RAB20: variants seen among roughly 807,000 people sequenced by gnomAD.
RAB20 encodes RAB20, member RAS oncogene family.
RAB20 carries 2 observed loss-of-function variants against 3.7 expected under a neutral mutation model. That is an observed-to-expected ratio of 0.54 (90% CI 0.22 to 1.69). The LOEUF is 1.69. Among genes scored for constraint, RAB20 ranks in the 40% most tolerant of loss-of-function variants. RAB20 has a pLI of 0.19. For missense variants in RAB20, 276 were observed against 311.9 expected (o/e 0.88, Z 0.87); for synonymous variants, 126 against 130.8 (o/e 0.96, Z 0.25).
chr13:110,528,850 T>C (rs1884478038), intron 1 of RAB20, among the ~76,000 whole-genome samples: 2 of 152,330 alleles, frequency 1.3e-5, no homozygotes, highest in Non-Finnish European at 2.9e-5. Flanking sequence ...AAAGTAAGAA[T>C]TGTTGCTTGA....
intron 1 of RAB20, among the ~76,000 whole-genome samples, chr13:110,525,755 A>T (rs1195037564): frequency 6.6e-6 from 1 of 152,126 alleles, no homozygotes; most frequent in Non-Finnish European, 1.5e-5. Context: ...CGTGCTTTTC[A>T]TCGTTGGACA....
At chr13:110,525,632 G>C (rs1397737823) in intron 1 of RAB20, among the ~76,000 whole-genome samples, 3 of 152,250 alleles carry the variant, frequency 2.0e-5, no homozygotes, top group Non-Finnish European at 4.4e-5. Context: ...AAGGGGAGCA[G>C]ATCTGGCCAA....
intron 1 of RAB20, among the ~76,000 whole-genome samples, chr13:110,547,052 T>C (rs1566589535): frequency 6.6e-6 from 1 of 152,214 alleles, no homozygotes; most frequent in Non-Finnish European, 1.5e-5. Context: ...GCTGAACTTC[T>C]GTACCACAAA....
Position 110,523,817 on chromosome 13 carries a change from TGGCG to T in RAB20, c.549_552del (p.Ser183ArgfsTer21). 1 of 1,614,228 alleles carries T rather than the reference TGGCG, an allele frequency of 6.2e-7. No homozygotes were observed. Among genetic ancestry groups the T allele is most frequent in the South Asian group, 1.1e-5 (1 of 91,084 alleles). ...AGGAGGTCCACATTGTAGCCGGTCT[TGGCG>T]CTGGTCTCAAAGCACATTTGCTCAG... On this transcript the variant is annotated frameshift_variant, in exon 2 of 2. Transcript: ENST00000267328. LOFTEE classifies it low-confidence loss of function (END_TRUNC).
chr13:110,532,353 AGAC>A, intron 1 of RAB20, among the ~76,000 whole-genome samples: 1 of 152,244 alleles, frequency 6.6e-6, no homozygotes, highest in South Asian at 2.1e-4. Context: ...GCAAACACTG[AGAC>A]AACAGGAACT....
rs754458128 is a variant in RAB20 at position 110,524,035 on chromosome 13, C to A, written c.335G>T (p.Gly112Val). 3.1e-6 allele frequency: 5 copies of A among 1,614,012 alleles called. No individual in the cohort carries two copies. Among genetic ancestry groups the A allele is most frequent in the Non-Finnish European group, 4.2e-6 (5 of 1,180,036 alleles). Residue 112 changes from glycine (G) to valine (V), a missense_variant, in exon 2 of 2, where the codon GGG (glycine) becomes GTG (valine). Transcript: ENST00000267328. ...CTCCTCAGTGAGGTCCACTTTGTTC[C>A]CCACGATGGCAAAGAGGCAGTCTTT... ...ASKDCLFAIV[G>V]NKVDLTEEGA...
intron 1 of RAB20, among the ~76,000 whole-genome samples, chr13:110,537,382 C>A (rs191230416): frequency 7.9e-5 from 12 of 152,004 alleles, no homozygotes; most frequent in African/African-American, 2.9e-4. Flanking sequence ...CCAATTTACA[C>A]AACAAGAAGT....
chr13:110,546,722 T>TTTTGTTTGTTTG, intron 1 of RAB20, among the ~76,000 whole-genome samples: 1 of 142,772 alleles, frequency 7.0e-6, no homozygotes, highest in Non-Finnish European at 1.5e-5. Context: ...TTTTTGGGTT[T>TTTTGTTTGTTTG]TTTGTTTGTT....
Sources: allele counts gnomAD v4.1 joint callset (sites outside exome capture counted in the v4.1 genomes callset), GRCh38; gene constraint gnomAD v4.1.1; transcripts MANE v1.5; gene names NCBI Gene and HGNC (gene_info 2026-07-23, HGNC 2026-07-21).